STK32A: variants seen among roughly 807,000 people sequenced by gnomAD.
STK32A encodes the protein serine/threonine kinase 32A, also known as serine/threonine-protein kinase 32A.
Under a neutral mutation model 53.2 loss-of-function variants are expected in STK32A, and 41 were observed. That is an observed-to-expected ratio of 0.77 (90% confidence interval 0.60 to 1.00). The LOEUF is 1.00. STK32A is among the 50% of genes least tolerant of loss of function. The pLI, the probability that STK32A is intolerant of heterozygous loss-of-function variation, is 0.00. For synonymous variants in STK32A, 166 were observed against 162.8 expected, an observed-to-expected ratio of 1.02 and a Z score of -0.15; for missense variants, 458 against 485.8, an observed-to-expected ratio of 0.94 and a Z score of 0.54.
chr5:147,370,596 A>ATT (rs375706377), intron 8 of STK32A, 58 bp from the exon 9 acceptor site: 26 of 1,077,650 alleles, frequency 2.4e-5, no homozygotes, highest in East Asian at 5.1e-5. Context: ...ACATTTGGAA[A>ATT]TTTTTTTTTT....
chr5:147,388,921 G>T (rs1021158101), downstream of STK32A, among the ~76,000 whole-genome samples: 3 of 152,192 alleles, frequency 2.0e-5, no homozygotes, highest in Admixed American at 6.5e-5. Flanking sequence ...CTCAGCTGCT[G>T]CCTCGGTCAT....
At chr5:147,397,995 G>T in the STK32A span, 1 of 733,622 alleles carries the variant, frequency 1.4e-6, no homozygotes, top group East Asian at 2.8e-5. Context: ...CCAGTGGGTA[G>T]AAGGCACCGG....
At chr5:147,379,366 A>G (rs996512223) in intron 11 of STK32A, among the ~76,000 whole-genome samples, 1 of 152,094 alleles carries the variant, frequency 6.6e-6, no homozygotes, top group Non-Finnish European at 1.5e-5. Flanking sequence ...CTAGGATGTG[A>G]TAAACTAGAA....
intron 6 of STK32A, among the ~76,000 whole-genome samples, chr5:147,348,340 C>T (rs745454248): frequency 5.9e-5 from 9 of 152,084 alleles, no homozygotes; most frequent in African/African-American, 1.9e-4. Flanking sequence ...TAAGCCAGGC[C>T]CTCTTTTAAA....
intron 5 of STK32A, among the ~76,000 whole-genome samples, chr5:147,329,937 T>C (rs891383057): frequency 2.0e-5 from 3 of 152,360 alleles, no homozygotes; most frequent in Middle Eastern, 3.4e-3. Flanking sequence ...GTGGAGGATG[T>C]CGTCTTCAGC....
chr5:147,294,553 A>G (rs1401706266), intron 4 of STK32A, among the ~76,000 whole-genome samples: 1 of 152,174 alleles, frequency 6.6e-6, no homozygotes, highest in East Asian at 1.9e-4. Context: ...TTTTGACCAC[A>G]CAATGCTCTC....
At position 147,241,761 on chromosome 5, in the gene STK32A, T is replaced by C. The variant is rs75159402; in HGVS notation, c.52+2075T>C. On this transcript the variant is annotated intron_variant, in intron 2 of 12. Coordinates refer to ENST00000397936, the MANE Select transcript of STK32A (RefSeq NM_001112724.2). ...TCTGTCTCTAAAATGGAAAGACAAA[T>C]AGGCTTGCTTTTCATTTAGTTGGTT... 9.3e-3 allele frequency among the ~76,000 whole-genome samples: 1,413 copies of C among 152,270 alleles called. 24 individuals carry two copies. Among genetic ancestry groups the C allele is most frequent in the African/African-American group, 0.032 (1,344 of 41,554 alleles).
At chr5:147,342,949 C>T in intron 5 of STK32A, 57 bp from the exon 6 acceptor site, 1 of 1,575,454 alleles carries the variant, frequency 6.3e-7, no homozygotes, top group Non-Finnish European at 8.7e-7. Context: ...TGCCCCTACC[C>T]CTTAGTTCTG....
chr5:147,298,586 C>G (rs553595729), intron 4 of STK32A, among the ~76,000 whole-genome samples: 1 of 152,236 alleles, frequency 6.6e-6, no homozygotes, highest in Admixed American at 6.5e-5. Flanking sequence ...AAGGAGGAAA[C>G]CTCAGTTTTA....
At chr5:147,368,904 A>G (rs906682997) in intron 8 of STK32A, among the ~76,000 whole-genome samples, 1 of 152,192 alleles carries the variant, frequency 6.6e-6, no homozygotes, top group African/African-American at 2.4e-5. Flanking sequence ...AGAAGCAGCA[A>G]TGAATTAAAA....
chr5:147,284,065 T>G (rs967168160), intron 4 of STK32A, among the ~76,000 whole-genome samples: 1 of 152,052 alleles, frequency 6.6e-6, no homozygotes, highest in African/African-American at 2.4e-5. Context: ...ATCAAAAAGA[T>G]AATCCACCAT....
At chr5:147,325,021 A>C (rs1026954951) in intron 5 of STK32A, among the ~76,000 whole-genome samples, 1 of 152,200 alleles carries the variant, frequency 6.6e-6, no homozygotes, top group South Asian at 2.1e-4. Flanking sequence ...TGCCAAGGAC[A>C]AACAGCTAAC....
intron 8 of STK32A, among the ~76,000 whole-genome samples, chr5:147,366,292 G>A (rs1193309010): frequency 6.6e-6 from 1 of 152,098 alleles, no homozygotes; most frequent in African/African-American, 2.4e-5. Flanking sequence ...GAGTTTCCAA[G>A]GCAAACCTTG....
rs772496754 is a variant in STK32A, at chr5:147,279,270, T to C, written c.132T>C (p.Asp44=). 6 of 1,613,750 alleles carry C rather than the reference T, an allele frequency of 3.7e-6. No homozygotes were observed. Among genetic ancestry groups the C allele is most frequent in the South Asian group, 1.1e-5 (1 of 91,064 alleles). ...AGGTCTGCATTGTACAGAAGAATGATACCAAGAAGATGTACGCAATGAAGT... is the reference window on the plus strand; with the variant it reads ...AGGTCTGCATTGTACAGAAGAATGACACCAAGAAGATGTACGCAATGAAGT... ...FGKVCIVQKN[D]TKKMYAMKYM... The change falls in exon 4 of 13, where the codon GAT becomes GAC. Residue 44 remains aspartate (D), a synonymous_variant. Coordinates refer to ENST00000397936, the MANE Select transcript of STK32A (RefSeq NM_001112724.2).
intron 2 of STK32A, among the ~76,000 whole-genome samples, chr5:147,266,290 G>A (rs1388556186): frequency 2.6e-5 from 4 of 152,158 alleles, no homozygotes; most frequent in Non-Finnish European, 5.9e-5. Flanking sequence ...TGAGTAAGTC[G>A]ATGAGTGAGG....
At position 147,373,256 on chromosome 5, in the gene STK32A, G is replaced by A; in HGVS notation, c.865G>A (p.Val289Ile). 1 of 1,613,386 alleles carries A rather than the reference G, an allele frequency of 6.2e-7. No homozygotes were observed. Among genetic ancestry groups the A allele is most frequent in the Non-Finnish European group, 8.5e-7 (1 of 1,179,566 alleles). ...TATGAATGATATAAACTGGGATGCAGTTTTTCAGAAGAGGCTCATTCCAGG... is the reference window on the plus strand; with the variant it reads ...TATGAATGATATAAACTGGGATGCAATTTTTCAGAAGAGGCTCATTCCAGG... ...PYMNDINWDA[V>I]FQKRLIPGFI... The change falls in exon 10 of 13, where the codon GTT becomes ATT. Residue 289 changes from valine to isoleucine, a missense_variant. Physicochemically the swap from Val to Ile is conservative, Grantham distance 29. Transcript: ENST00000397936.
At chr5:147,320,080 C>A (rs1228882924) in intron 4 of STK32A, among the ~76,000 whole-genome samples, 1 of 152,124 alleles carries the variant, frequency 6.6e-6, no homozygotes, top group Admixed American at 6.5e-5. Context: ...AGCATTTATC[C>A]TATGTTATTC....
downstream of STK32A, among the ~76,000 whole-genome samples, chr5:147,390,514 T>C (rs565943727): frequency 6.7e-5 from 10 of 149,318 alleles, no homozygotes; most frequent in South Asian, 1.9e-3. Context: ...AAAAGCTTTA[T>C]GGCTCTGTTC....
intron 4 of STK32A, among the ~76,000 whole-genome samples, chr5:147,304,313 A>G (rs1016927146): frequency 3.3e-5 from 5 of 152,220 alleles, no homozygotes; most frequent in African/African-American, 1.2e-4. Flanking sequence ...AGCCTAAGCA[A>G]CTTAGATGAT....
Sources: allele counts gnomAD v4.1 joint callset (sites outside exome capture counted in the v4.1 genomes callset), GRCh38; gene constraint gnomAD v4.1.1; transcripts MANE v1.5; gene names NCBI Gene and HGNC (gene_info 2026-07-23, HGNC 2026-07-21).